The following WDR37 variants were observed in gnomAD, a reference collection of about 807,000 sequenced individuals.
WDR37 encodes WD repeat-containing protein 37.
WDR37 carries 19 observed loss-of-function variants against 62.9 expected under a neutral mutation model. That is an observed-to-expected ratio of 0.30 (90% confidence interval 0.21 to 0.44). The LOEUF (loss-of-function observed/expected upper bound fraction) is 0.44. Ranked by LOEUF, WDR37 falls within the 20% of genes least tolerant of loss-of-function variation. The pLI is 1.00. For synonymous variants in WDR37, 250 were observed against 260.9 expected (o/e 0.96, Z 0.40); for missense variants, 474 against 657.6 (o/e 0.72, Z 3.05).
At chr10:1,070,952 A>G (rs1327794572) in intron 1 of WDR37, among the ~76,000 whole-genome samples, 6 of 152,190 alleles carry the variant, frequency 3.9e-5, no homozygotes, top group African/African-American at 1.4e-4. Context: ...TGCACCTGGT[A>G]ATGTCTAAGG....
chr10:1,064,583 C>CTTTT (rs71376884), intron 1 of WDR37, among the ~76,000 whole-genome samples: 721 of 70,464 alleles, frequency 0.01, 92 homozygotes, highest in South Asian at 0.019. Flanking sequence ...GACAATGGAT[C>CTTTT]TTTTTTTTTT....
At chr10:1,077,842 A>G in intron 2 of WDR37, 65 bp from the exon 3 acceptor site, 1 of 1,203,842 alleles carries the variant, frequency 8.3e-7, no homozygotes, top group Admixed American at 2.2e-5. Flanking sequence ...CACTTTGGAA[A>G]AAGCATATTT....
At position 1,103,528 on chromosome 10, in the gene WDR37, T is replaced by G; in HGVS notation, c.727-74T>G. On this transcript the variant is annotated intron_variant, in intron 9 of 13. Transcript: ENST00000263150. This position sits in a 1 kb window ranked among gnomAD's most constrained non-coding sequence, Gnocchi z 6.3. ...CAAGAGATTAATGAGAACCATCTAT[T>G]TTGTAGCTATGTCAGAAGAAACTCA... 1.4e-6 allele frequency: 2 copies of G among 1,472,312 alleles called. No individual in the cohort carries two copies. Among genetic ancestry groups the G allele is most frequent in the Non-Finnish European group, 1.9e-6 (2 of 1,071,248 alleles). 91.2% of individuals were successfully genotyped at this position (1,472,312 alleles called of 1,614,324 possible). A position where few individuals can be genotyped will look rare whatever the true frequency, so the allele number is the denominator to read the frequency against.
At chr10:1,094,273 T>C (rs879650552) in intron 8 of WDR37, among the ~76,000 whole-genome samples, 3 of 152,240 alleles carry the variant, frequency 2.0e-5, no homozygotes, top group Non-Finnish European at 4.4e-5. Flanking sequence ...CATGGCTGTG[T>C]CCACTTATTC....
At chr10:1,116,329 G>A (rs531037547) in intron 11 of WDR37, among the ~76,000 whole-genome samples, 4 of 147,406 alleles carry the variant, frequency 2.7e-5, no homozygotes, top group South Asian at 2.3e-4. Flanking sequence ...ACCCCTCCCC[G>A]GGTCTCTGTT....
chr10:1,066,905 A>G (rs1030584162), intron 1 of WDR37, among the ~76,000 whole-genome samples: 1 of 149,302 alleles, frequency 6.7e-6, no homozygotes, highest in African/African-American at 2.5e-5. Context: ...CTTGTGCAGG[A>G]AAACTCCCCC....
chr10:1,095,925 C>G (rs184186138), intron 8 of WDR37, among the ~76,000 whole-genome samples: 38 of 152,324 alleles, frequency 2.5e-4, no homozygotes, highest in African/African-American at 9.1e-4. Flanking sequence ...ACTTTCTATG[C>G]TAAAATGAAA....
rs112811298 is a variant in WDR37 at position 1,087,679 on chromosome 10, T to C, written c.604+1322T>C. Among the ~76,000 whole-genome samples the C allele has an allele frequency of 6.2e-3, 948 of 152,332 alleles. 12 individuals are homozygous for C. The highest frequency in any genetic ancestry group is 0.021 in the African/African-American group (885 of 41,568). On this transcript the variant is annotated intron_variant, in intron 7 of 13. Coordinates refer to ENST00000263150, the MANE Select transcript of WDR37 (RefSeq NM_014023.4). ...ATCAGATGTACTGTCATCCATGCTT[T>C]GTTGTTCCATTTATGGAGGACAGGT...
intron 1 of WDR37, among the ~76,000 whole-genome samples, chr10:1,060,126 A>G (rs1203136350): frequency 6.6e-6 from 1 of 152,228 alleles, no homozygotes; most frequent in African/African-American, 2.4e-5. Context: ...GGCATGAGCC[A>G]TCATGCCTGG....
intron 7 of WDR37, among the ~76,000 whole-genome samples, chr10:1,090,939 G>A (rs1260533090): frequency 3.9e-5 from 6 of 152,184 alleles, no homozygotes; most frequent in Non-Finnish European, 1.5e-5. Flanking sequence ...CGGCCTTCCT[G>A]CTCCAGCCGG....
intron 11 of WDR37, among the ~76,000 whole-genome samples, chr10:1,109,180 C>G (rs1835130130): frequency 6.6e-6 from 1 of 152,170 alleles, no homozygotes; most frequent in African/African-American, 2.4e-5. Context: ...GGGGGTCATT[C>G]CAGAGCAGTC....
intron 1 of WDR37, among the ~76,000 whole-genome samples, chr10:1,061,601 A>G (rs1833374930): frequency 6.6e-6 from 1 of 152,154 alleles, no homozygotes; most frequent in Non-Finnish European, 1.5e-5. Context: ...GCATTTTGGG[A>G]GGCCGAGCTG....
chr10:1,066,387 A>T (rs946419267), intron 1 of WDR37, among the ~76,000 whole-genome samples: 1 of 152,226 alleles, frequency 6.6e-6, no homozygotes, highest in Non-Finnish European at 1.5e-5. Flanking sequence ...AAGTGCTGGG[A>T]TTATAGGCGT....
intron 13 of WDR37, among the ~76,000 whole-genome samples, chr10:1,127,749 T>C (rs10903373): frequency 0.42 from 63,721 of 151,942 alleles, 14,660 homozygotes; most frequent in South Asian, 0.61. Context: ...GTCCCTGTGA[T>C]GTGGAGGCCC....
intron 7 of WDR37, among the ~76,000 whole-genome samples, chr10:1,092,989 C>T (rs954500780): frequency 7.3e-5 from 11 of 151,528 alleles, no homozygotes; most frequent in African/African-American, 2.7e-4. Flanking sequence ...CTGAGGCTGG[C>T]AGAGGTTATA....
chr10:1,074,824 C>T (rs1833821491), intron 2 of WDR37, among the ~76,000 whole-genome samples: 1 of 152,224 alleles, frequency 6.6e-6, no homozygotes, highest in Non-Finnish European at 1.5e-5. Context: ...CTCAGATTTG[C>T]CAGTCTGAAG....
Position 1,056,673 on chromosome 10 carries a change from C to A in WDR37, c.-336C>A, listed in dbSNP as rs2306403. The A allele has an allele frequency of 0.15, 23,410 of 152,304 alleles. 2,050 individuals are homozygous for A. The highest frequency in any genetic ancestry group is 0.19 in the East Asian group (974 of 5,168). 9.4% of individuals were successfully genotyped at this position (152,304 alleles called of 1,614,324 possible). A position where few individuals can be genotyped will look rare whatever the true frequency, so the allele number is the denominator to read the frequency against. ...AGCAGCCGAAGGGGTCTTCAGCGCGCCCAGACCCCTCGGGGCTGCGGGGCG... is the reference window on the plus strand; with the variant it reads ...AGCAGCCGAAGGGGTCTTCAGCGCGACCAGACCCCTCGGGGCTGCGGGGCG... On this transcript the variant is annotated 5_prime_UTR_variant, in exon 1 of 14. Coordinates refer to ENST00000263150, the MANE Select transcript of WDR37 (RefSeq NM_014023.4).
At chr10:1,098,095 C>T (rs1012570425) in intron 9 of WDR37, among the ~76,000 whole-genome samples, 1 of 152,142 alleles carries the variant, frequency 6.6e-6, no homozygotes, top group African/African-American at 2.4e-5. Flanking sequence ...AGGATGTTCT[C>T]AACTGAATGT....
At chr10:1,106,828 T>C (rs1490444026) in intron 11 of WDR37, among the ~76,000 whole-genome samples, 1 of 152,166 alleles carries the variant, frequency 6.6e-6, no homozygotes, top group Non-Finnish European at 1.5e-5. Flanking sequence ...GGACAACGTT[T>C]TTAAAAAGAA....
Sources: gnomAD v4.1 joint callset for allele counts (sites outside exome capture counted in the v4.1 genomes callset) on GRCh38, gnomAD v4.1.1 for gene constraint, Gnocchi (gnomAD v3.1) non-coding constraint, MANE v1.5 for transcripts, NCBI Gene and HGNC (gene_info 2026-07-23, HGNC 2026-07-21) for gene names.